The following CDYL2 variants were observed in gnomAD, a reference collection of about 807,000 sequenced individuals.
CDYL2 encodes the protein chromodomain Y-like protein 2.
In CDYL2, 23 loss-of-function variants were observed where a neutral mutation model predicts 49.4. The ratio of observed to expected loss-of-function variants is 0.47; its 90% CI spans 0.34 to 0.66. The LOEUF (loss-of-function observed/expected upper bound fraction) is 0.66, where lower values mean the gene tolerates loss of function less well. Ranked by LOEUF, CDYL2 falls within the 30% of genes least tolerant of loss-of-function variation. The pLI, the probability that CDYL2 is intolerant of heterozygous loss-of-function variation, is 0.01. For missense variants in CDYL2, 678 were observed against 656.4 expected (o/e 1.03, Z -0.36); for synonymous variants, 360 against 268.8 (o/e 1.34, Z -3.32).
chr16:80,645,528 C>G (rs1908300615), intron 2 of CDYL2, among the ~76,000 whole-genome samples: 2 of 152,168 alleles, frequency 1.3e-5, no homozygotes, highest in South Asian at 4.1e-4. Flanking sequence ...CACTTTTACA[C>G]TGTTGGTGGT....
Position 80,652,657 on chromosome 16 carries a change from G to T in CDYL2, c.617-19421C>A, listed in dbSNP as rs1908633565. Among the ~76,000 whole-genome samples the T allele has an allele frequency of 2.6e-5, 4 of 152,310 alleles. No individual in the cohort carries two copies. In the South Asian group the frequency reaches 8.3e-4, roughly 32 times the overall value. ...GGAGAAACCTGACACGCATACCTCAGCCAGGTGGTCACAGTCAACATCAAC... is the reference window on the plus strand; with the variant it reads ...GGAGAAACCTGACACGCATACCTCATCCAGGTGGTCACAGTCAACATCAAC... On this transcript the variant is annotated intron_variant, in intron 2 of 6. Transcript: ENST00000570137.
intron 1 of CDYL2, among the ~76,000 whole-genome samples, chr16:80,730,487 G>C (rs1224985154): frequency 6.6e-6 from 1 of 151,990 alleles, no homozygotes; most frequent in Non-Finnish European, 1.5e-5. Flanking sequence ...AAGAGTCCAG[G>C]ACCAGATGGA....
chr16:80,745,687 C>T (rs189928428), intron 1 of CDYL2, among the ~76,000 whole-genome samples: 4 of 152,298 alleles, frequency 2.6e-5, no homozygotes, highest in Non-Finnish European at 4.4e-5. Context: ...CAACCTGGAG[C>T]AAGAGGTGAT....
chr16:80,620,735 A>C (rs1221466867), intron 4 of CDYL2, 28 bp downstream of exon 4: 14 of 1,556,676 alleles, frequency 9.0e-6, no homozygotes, highest in Non-Finnish European at 1.2e-5. Flanking sequence ...GCAGGACCCC[A>C]GGGTGTGTGA....
chr16:80,689,044 T>C (rs1023250440), intron 1 of CDYL2, among the ~76,000 whole-genome samples: 1 of 152,094 alleles, frequency 6.6e-6, no homozygotes, highest in Non-Finnish European at 1.5e-5. Flanking sequence ...AAACAATAAT[T>C]AATTCTCTTC....
chr16:80,673,176 C>T (rs1286155402), intron 2 of CDYL2, among the ~76,000 whole-genome samples: 1 of 151,942 alleles, frequency 6.6e-6, no homozygotes, highest in African/African-American at 2.4e-5. Flanking sequence ...AAAAATTAGC[C>T]GGGCATGGTG....
intron 1 of CDYL2, among the ~76,000 whole-genome samples, chr16:80,710,767 A>T (rs1223843851): frequency 6.6e-6 from 1 of 152,238 alleles, no homozygotes; most frequent in Non-Finnish European, 1.5e-5. Flanking sequence ...ATACACACAG[A>T]GAACTGTGTT....
At chr16:80,742,006 T>G (rs1905753584) in intron 1 of CDYL2, 1 of 152,234 alleles carries the variant, frequency 6.6e-6, no homozygotes, top group South Asian at 2.1e-4. Flanking sequence ...CATGTGCACT[T>G]ACTAGGCACA....
At chr16:80,691,193 T>G (rs1910400355) in intron 1 of CDYL2, among the ~76,000 whole-genome samples, 1 of 152,164 alleles carries the variant, frequency 6.6e-6, no homozygotes, top group Admixed American at 6.5e-5. Flanking sequence ...TGAAGACCTT[T>G]CTTTCTGCAT....
chr16:80,626,928 G>C (rs994224045), intron 3 of CDYL2, among the ~76,000 whole-genome samples: 7 of 152,172 alleles, frequency 4.6e-5, no homozygotes, highest in Non-Finnish European at 8.8e-5. Context: ...TGAAGACTCA[G>C]ACAGGTGCAG....
chr16:80,776,844 G>C (rs1007558104), intron 1 of CDYL2, among the ~76,000 whole-genome samples: 6 of 151,192 alleles, frequency 4.0e-5, no homozygotes, highest in African/African-American at 1.5e-4. Flanking sequence ...TGGAGACAGA[G>C]TCTCCCTCTG....
intron 1 of CDYL2, among the ~76,000 whole-genome samples, chr16:80,707,770 T>C (rs941706951): frequency 1.3e-5 from 2 of 152,126 alleles, no homozygotes; most frequent in African/African-American, 4.8e-5. Context: ...GCCTCATAAG[T>C]GAGGGGAATA....
intron 1 of CDYL2, among the ~76,000 whole-genome samples, chr16:80,775,906 G>T (rs1410315616): frequency 6.6e-6 from 1 of 151,270 alleles, no homozygotes; most frequent in African/African-American, 2.4e-5. Flanking sequence ...GTGCTGTCCA[G>T]AGGCTTTGTA....
At chr16:80,697,520 G>A (rs573924175) in intron 1 of CDYL2, among the ~76,000 whole-genome samples, 1 of 152,204 alleles carries the variant, frequency 6.6e-6, no homozygotes, top group South Asian at 2.1e-4. Context: ...ACAAGACAAG[G>A]AGGCACACTT....
chr16:80,776,213 A>G (rs988820799), intron 1 of CDYL2, among the ~76,000 whole-genome samples: 2 of 152,266 alleles, frequency 1.3e-5, no homozygotes, highest in African/African-American at 4.8e-5. Context: ...TTCTCTGTCA[A>G]TTTTCAAACA....
intron 1 of CDYL2, among the ~76,000 whole-genome samples, chr16:80,802,959 G>A (rs946901300): frequency 7.9e-5 from 12 of 152,212 alleles, no homozygotes; most frequent in African/African-American, 2.9e-4. Context: ...ACCAGATGGC[G>A]TTAACCAATT....
At chr16:80,691,165 C>A (rs1164520436) in intron 1 of CDYL2, among the ~76,000 whole-genome samples, 1 of 152,190 alleles carries the variant, frequency 6.6e-6, no homozygotes, top group East Asian at 1.9e-4. Context: ...TAACTCTGTA[C>A]CTCAAACCCC....
In CDYL2 at chr16:80,709,019, G is replaced by T. The variant is rs1248734545; in HGVS notation, c.25-23890C>A. On this transcript the variant is annotated intron_variant, in intron 1 of 6. Transcript: ENST00000570137. ...TCCTGTTTGCAAATTGAACAGAAGC[G>T]TAAGGCGCCAGTCAGACAAGAAGAA... Among the ~76,000 whole-genome samples the T allele has an allele frequency of 2.0e-5, 3 of 152,208 alleles. No homozygotes were observed. The South Asian group carries it at 6.2e-4, about 32-fold the overall frequency.
intron 1 of CDYL2, among the ~76,000 whole-genome samples, chr16:80,748,763 C>A (rs181787970): frequency 6.6e-6 from 1 of 152,182 alleles, no homozygotes; most frequent in Admixed American, 6.5e-5. Flanking sequence ...ATCTCTACCC[C>A]CAACTTAACA....
Sources: gnomAD v4.1 joint callset for allele counts (sites outside exome capture counted in the v4.1 genomes callset) on GRCh38, gnomAD v4.1.1 for gene constraint, MANE v1.5 for transcripts, NCBI Gene and HGNC (gene_info 2026-07-23, HGNC 2026-07-21) for gene names.